RSF1: variants seen among roughly 807,000 people sequenced by gnomAD.
RSF1 encodes the protein HBV pX-associated protein 8.
Under a neutral mutation model 145.2 loss-of-function variants are expected in RSF1, and 13 were observed. That is an observed-to-expected ratio of 0.09 (90% confidence interval 0.06 to 0.14). RSF1 has a LOEUF of 0.14. Ranked by LOEUF, RSF1 falls within the 10% of genes least tolerant of loss-of-function variation. The pLI is 1.00. For missense variants in RSF1, 1,517 were observed against 1,718.2 expected, an observed-to-expected ratio of 0.88 and a Z score of 2.07; for synonymous variants, 577 against 592.6, an observed-to-expected ratio of 0.97 and a Z score of 0.38.
the RSF1 span, chr11:77,869,316 T>TTC: frequency 3.7e-5 from 6 of 161,132 alleles, no homozygotes; most frequent in Non-Finnish European, 5.2e-5. Context: ...CTTTTTCTTT[T>TTC]TTTTTTTTTT....
At chr11:77,744,803 T>A (rs1325006274) in intron 3 of RSF1, among the ~76,000 whole-genome samples, 11 of 152,250 alleles carry the variant, frequency 7.2e-5, no homozygotes, top group Non-Finnish European at 1.3e-4. Flanking sequence ...ATCAGTATAA[T>A]GCTGGCCTTC....
the RSF1 span, among the ~76,000 whole-genome samples, chr11:77,868,357 C>CTT: frequency 1.4e-3 from 162 of 116,774 alleles, 1 homozygote; most frequent in African/African-American, 4.5e-3. Flanking sequence ...GCCCAGCCGC[C>CTT]TTTTTTTTTT....
chr11:77,734,666 A>G (rs1961294885), intron 4 of RSF1: 1 of 1,416,998 alleles, frequency 7.1e-7, no homozygotes, highest in African/African-American at 1.4e-5. Context: ...TCAGTGGCCA[A>G]TTTGTGCAGT....
chr11:77,750,227 A>T (rs1238500218), intron 2 of RSF1, among the ~76,000 whole-genome samples: 1 of 152,252 alleles, frequency 6.6e-6, no homozygotes, highest in Non-Finnish European at 1.5e-5. Flanking sequence ...AATAATTCTT[A>T]TGCAAAACTA....
intron 4 of RSF1, chr11:77,735,035 C>T (rs1378767846): frequency 1.3e-6 from 2 of 1,484,944 alleles, no homozygotes; most frequent in Admixed American, 1.7e-5. Context: ...ATGGCGGCGA[C>T]TAAGGAGAGG....
chr11:77,846,614 G>A, the RSF1 span, among the ~76,000 whole-genome samples: 1 of 152,218 alleles, frequency 6.6e-6, no homozygotes, highest in Non-Finnish European at 1.5e-5. Flanking sequence ...GCTGAGGCAG[G>A]AGAATCGCTT....
intron 4 of RSF1, chr11:77,735,062 G>A: frequency 1.6e-6 from 2 of 1,216,242 alleles, no homozygotes; most frequent in Middle Eastern, 5.0e-4. Context: ...CGGTGGCAGT[G>A]GCTGCGTGGC....
chr11:77,764,646 T>C lies in RSF1; in HGVS notation c.231A>G (p.Lys77=), dbSNP rs771828235. ...TGTCTGCAGTAACAGATTTGCCAAT[T>C]TTCCTCATCAGCTTCAAATGGAGCT... is the stretch of plus-strand genomic sequence containing the variant. ...LVELHLKLMR[K]IGKSVTADRW... Residue 77 remains lysine (K), a synonymous_variant, in exon 2 of 16, where the codon AAA becomes AAG. Transcript: ENST00000308488. 2.5e-6 allele frequency: 4 copies of C among 1,610,430 alleles called. No homozygotes were observed. Among genetic ancestry groups the C allele is most frequent in the Non-Finnish European group, 3.4e-6 (4 of 1,178,216 alleles).
chr11:77,758,874 A>G (rs918998330), intron 2 of RSF1, among the ~76,000 whole-genome samples: 3 of 152,214 alleles, frequency 2.0e-5, no homozygotes, highest in Admixed American at 2.0e-4. Context: ...AATTTGCAAT[A>G]TAACTTCTTC....
At chr11:77,864,568 A>G in the RSF1 span, among the ~76,000 whole-genome samples, 102 of 152,268 alleles carry the variant, frequency 6.7e-4, no homozygotes, top group Non-Finnish European at 1.3e-3. Flanking sequence ...CACTAGAAAT[A>G]AACTCAGTGA....
At chr11:77,820,392 C>T (rs1225305006) in intron 1 of RSF1, 136 bp downstream of exon 1, 4 of 948,002 alleles carry the variant, frequency 4.2e-6, no homozygotes, top group Non-Finnish European at 6.1e-6. Context: ...AGAAGACCAG[C>T]CCGGCGGAGT....
intron 1 of RSF1, among the ~76,000 whole-genome samples, chr11:77,792,364 C>T (rs1948526119): frequency 6.6e-6 from 1 of 152,160 alleles, no homozygotes; most frequent in Non-Finnish European, 1.5e-5. Flanking sequence ...AAGAACCCAC[C>T]CCCACTCTCC....
intron 15 of RSF1, among the ~76,000 whole-genome samples, chr11:77,669,622 T>G (rs1355739576): frequency 6.6e-6 from 1 of 152,222 alleles, no homozygotes; most frequent in Non-Finnish European, 1.5e-5. Flanking sequence ...AAGTGCTCAA[T>G]AGCCATATGA....
the RSF1 span, among the ~76,000 whole-genome samples, chr11:77,828,744 AAC>A: frequency 2.6e-4 from 39 of 152,212 alleles, no homozygotes; most frequent in African/African-American, 9.2e-4. Flanking sequence ...ATGGGAAGAA[AAC>A]ACATATTCAT....
chr11:77,785,008 G>T (rs2135960308), intron 1 of RSF1, among the ~76,000 whole-genome samples: 1 of 152,264 alleles, frequency 6.6e-6, no homozygotes, highest in African/African-American at 2.4e-5. Context: ...TAAGCCTCTT[G>T]AAATCCAATC....
At position 77,820,540 on chromosome 11, in the gene RSF1, C is replaced by A; in HGVS notation, c.175G>T (p.Gly59Cys). 6.5e-7 allele frequency: 1 copy of A among 1,548,238 alleles called. No homozygotes were observed. Among genetic ancestry groups the A allele is most frequent in the Non-Finnish European group, 8.7e-7 (1 of 1,146,760 alleles). The change falls in exon 1 of 16, where the codon GGC (glycine) becomes TGC (cysteine). Residue 59 changes from glycine to cysteine, a missense_variant. By Grantham distance (159) the Gly-to-Cys change is radical. Around this residue, in one of 12 missense-constraint regions of RSF1, gnomAD observed 85 missense variants for 91.8 expected, o/e 0.93. Transcript: ENST00000308488. ...GCCCCTCGCTTACCTTCTCCGTTGC[C>A]GACGTCCGGCGGCGGCGCCTGCAGC... ...RVLQAPPPDV[G>C]NGEVPKELVE...
chr11:77,719,015 G>T (rs79258315), intron 5 of RSF1, among the ~76,000 whole-genome samples: 24 of 152,040 alleles, frequency 1.6e-4, no homozygotes, highest in Non-Finnish European at 3.5e-4. Context: ...TTGGGAGATG[G>T]GGGGGAGGAT....
chr11:77,762,273 G>GC (rs1948183694), intron 2 of RSF1: 1 of 152,114 alleles, frequency 6.6e-6, no homozygotes, highest in South Asian at 2.1e-4. Context: ...GTTAGCAAAT[G>GC]CAAGATACAG....
At chr11:77,718,741 G>A (rs1693513767) in intron 5 of RSF1, among the ~76,000 whole-genome samples, 3 of 152,188 alleles carry the variant, frequency 2.0e-5, no homozygotes, top group Non-Finnish European at 2.9e-5. Flanking sequence ...GCCCTCATCA[G>A]AAATCAAATT....
Sources: allele counts gnomAD v4.1 joint callset (sites outside exome capture counted in the v4.1 genomes callset), GRCh38; gene constraint gnomAD v4.1.1; regional missense constraint gnomAD v4.1.1; transcripts MANE v1.5; gene names NCBI Gene and HGNC (gene_info 2026-07-23, HGNC 2026-07-21).